Variants in CIT observed in about 807,000 individuals in gnomAD.
CIT encodes citron Rho-interacting kinase.
Under a neutral mutation model 272.7 loss-of-function variants are expected in CIT, and 79 were observed. The observed-to-expected ratio is 0.29, with a 90% CI of 0.24 to 0.35. The LOEUF (loss-of-function observed/expected upper bound fraction) is 0.35. Among genes scored for constraint, CIT ranks in the 10% least tolerant of loss-of-function variants. The pLI is 1.00. For synonymous variants in CIT, 948 were observed against 995.6 expected (o/e 0.95, Z 0.90); for missense variants, 1,909 against 2,618.3 (o/e 0.73, Z 5.91).
chr12:119,792,863 G>A (rs1436192128), intron 10 of CIT, among the ~76,000 whole-genome samples: 1 of 152,066 alleles, frequency 6.6e-6, no homozygotes, highest in Non-Finnish European at 1.5e-5. Context: ...TCGGGAGGCT[G>A]AGGCAGGAGA....
chr12:119,812,445 CT>C (rs879301480), intron 9 of CIT, among the ~76,000 whole-genome samples: 112 of 146,644 alleles, frequency 7.6e-4, no homozygotes, highest in African/African-American at 1.4e-3. Context: ...TTTTCTCCAA[CT>C]TTTTTTTTTT....
At chr12:119,760,569 G>A (rs1423289780) in intron 20 of CIT, among the ~76,000 whole-genome samples, 1 of 151,684 alleles carries the variant, frequency 6.6e-6, no homozygotes, top group Non-Finnish European at 1.5e-5. Context: ...GGAGGCTGCA[G>A]TGAGCCATGA....
Position 119,770,708 on chromosome 12 carries a change from A to T in CIT, c.2208+77T>A. ...GATACCTCCCTTATTGTGGCGGTTA[A>T]TTCTTCTTCTTACCCCCTTCCCTTT... On this transcript the variant is annotated intron_variant, in intron 18 of 47. Coordinates refer to ENST00000392521, the MANE Select transcript of CIT (RefSeq NM_001206999.2). The surrounding 1 kb of genome is among the most constrained non-coding windows in gnomAD (Gnocchi z 4.4). The T allele has an allele frequency of 3.2e-6, 5 of 1,553,254 alleles. No homozygotes were observed. Among genetic ancestry groups the T allele is most frequent in the Non-Finnish European group, 4.4e-6 (5 of 1,134,572 alleles).
Position 119,690,542 on chromosome 12 carries a change from C to T in CIT, c.5883-88G>A. ...CTTACCTGAGCAACCCCCTCCTTGA[C>T]CCAGCCTCACCACTGATTATCAAGA... is the stretch of plus-strand genomic sequence containing the variant. On this transcript the variant is annotated intron_variant, in intron 46 of 47. Transcript: ENST00000392521. The surrounding 1 kb of genome is among the most constrained non-coding windows in gnomAD (Gnocchi z 6.0). 2 of 1,216,362 alleles carry T rather than the reference C, an allele frequency of 1.6e-6. No homozygotes were observed. Among genetic ancestry groups the T allele is most frequent in the Non-Finnish European group, 2.2e-6 (2 of 897,632 alleles). The allele number at this position is 1,216,362 out of a possible 1,614,324, so 75.3% of individuals were successfully genotyped here.
intron 3 of CIT, 29 bp from the exon 4 acceptor site, chr12:119,857,727 G>A: frequency 6.4e-7 from 1 of 1,572,778 alleles, no homozygotes; most frequent in East Asian, 2.3e-5. Flanking sequence ...TTAGCCCCAG[G>A]TAAATAAAGC....
At position 119,728,805 on chromosome 12, in the gene CIT, T is replaced by C. The variant is rs2301656; in HGVS notation, c.3487-199A>G. Reference sequence around the variant, plus strand: ...GGTTATTATATGAGGATGGAAATTATTTCTAAGGGATGGCTCTTAAATATG... The same window carrying C: ...GGTTATTATATGAGGATGGAAATTACTTCTAAGGGATGGCTCTTAAATATG... On this transcript the variant is annotated intron_variant, in intron 27 of 47. Transcript: ENST00000392521. This position sits in a 1 kb window ranked among gnomAD's most constrained non-coding sequence, Gnocchi z 4.3. Among the ~76,000 whole-genome samples the C allele has an allele frequency of 7.8e-4, 119 of 152,374 alleles. 1 individual carries two copies. In the East Asian group the frequency reaches 0.02, roughly 26 times the overall value.
rs565512445 is a variant in CIT at position 119,714,286 on chromosome 12, C to A, written c.4217G>T (p.Arg1406Leu). 2.5e-6 allele frequency: 4 copies of A among 1,614,042 alleles called. No homozygotes were observed. The South Asian group carries it at 3.3e-5, about 13-fold the overall frequency. Residue 1406 changes from arginine to leucine, a missense_variant, in exon 33 of 48, where the codon CGA becomes CTA. Arg to Leu is a moderately radical substitution (Grantham distance 102). This residue lies in a region of CIT where 780 missense variants were observed against 1,067.2 expected (regional missense o/e 0.73). Coordinates refer to ENST00000392521, the MANE Select transcript of CIT (RefSeq NM_001206999.2). ...TCGCATGTTCAGTCCTACGTTGAATCGGTGAGGAATATTGTGGTGCATGCG... is the reference window on the plus strand; with the variant it reads ...TCGCATGTTCAGTCCTACGTTGAATAGGTGAGGAATATTGTGGTGCATGCG... ...KERMHHNIPH[R>L]FNVGLNMRAT...
At chr12:119,787,886 A>G (rs1593747236) in intron 10 of CIT, among the ~76,000 whole-genome samples, 1 of 152,212 alleles carries the variant, frequency 6.6e-6, no homozygotes, top group African/African-American at 2.4e-5. Flanking sequence ...GAAGGATTAA[A>G]TGAAATAATG....
chr12:119,816,048 C>A (rs962176472), intron 9 of CIT, among the ~76,000 whole-genome samples: 2 of 152,098 alleles, frequency 1.3e-5, no homozygotes, highest in Non-Finnish European at 2.9e-5. Context: ...AGTGATAGGA[C>A]CTGCCTCACA....
At chr12:119,877,092 C>G (rs1019464328) in intron 1 of CIT, among the ~76,000 whole-genome samples, 157 bp downstream of exon 1, 6 of 152,116 alleles carry the variant, frequency 3.9e-5, no homozygotes, top group Non-Finnish European at 5.9e-5. Flanking sequence ...CACAGCTAGC[C>G]CCGGAAGACC....
intron 3 of CIT, among the ~76,000 whole-genome samples, chr12:119,862,035 CTG>C (rs1950354522): frequency 6.6e-6 from 1 of 152,178 alleles, no homozygotes; most frequent in Admixed American, 6.5e-5. Flanking sequence ...GAGTCTCACT[CTG>C]TCACCCTGGC....
Position 119,710,202 on chromosome 12 carries a change from T to C in CIT, c.5071+49A>G. On this transcript the variant is annotated intron_variant, in intron 39 of 47. Transcript: ENST00000392521. The surrounding 1 kb of genome is among the most constrained non-coding windows in gnomAD (Gnocchi z 5.6). ...GAGCATGAAACGTGGCTTCAACATA[T>C]TGGCTCCCTTGAAAGTAAAGAAAAA... The C allele has an allele frequency of 6.3e-7, 1 of 1,594,158 alleles. No homozygotes were observed. Among genetic ancestry groups the C allele is most frequent in the South Asian group, 1.1e-5 (1 of 88,286 alleles).
chr12:119,847,421 C>T (rs1424927976), intron 5 of CIT, among the ~76,000 whole-genome samples: 1 of 151,746 alleles, frequency 6.6e-6, no homozygotes, highest in East Asian at 1.9e-4. Context: ...TGGCAAAACC[C>T]CGTCTCTACT....
chr12:119,792,011 T>C lies in CIT; in HGVS notation c.1296-6946A>G, dbSNP rs533519139. On this transcript the variant is annotated intron_variant, in intron 10 of 47. Transcript: ENST00000392521. ...CCGTGATGTACCTGTAAATAATCCA[T>C]ATAACTTTGTTAAAAAAAATTACTT... is the stretch of plus-strand genomic sequence containing the variant. Among the ~76,000 whole-genome samples the C allele has an allele frequency of 4.6e-4, 70 of 152,328 alleles. 1 individual carries two copies. In the South Asian group the frequency reaches 0.013, roughly 29 times the overall value.
At chr12:119,823,970 G>A (rs1458098408) in intron 8 of CIT, among the ~76,000 whole-genome samples, 2 of 141,208 alleles carry the variant, frequency 1.4e-5, no homozygotes, top group African/African-American at 5.2e-5. Context: ...AACCCAGGAG[G>A]CAGGGTTGCA....
chr12:119,767,312 G>T, intron 18 of CIT, 130 bp from the exon 19 acceptor site: 1 of 647,420 alleles, frequency 1.5e-6, no homozygotes, highest in Non-Finnish European at 2.6e-6. Flanking sequence ...TCCATTACTA[G>T]CCTAAGGCTC....
intron 23 of CIT, among the ~76,000 whole-genome samples, chr12:119,747,934 C>G (rs766367829): frequency 6.6e-6 from 1 of 152,084 alleles, no homozygotes; most frequent in Non-Finnish European, 1.5e-5. Flanking sequence ...GAGACCAAGG[C>G]AGGCGAATTG....
At chr12:119,751,004 T>A (rs1222325926) in intron 23 of CIT, among the ~76,000 whole-genome samples, 1 of 151,926 alleles carries the variant, frequency 6.6e-6, no homozygotes, top group Non-Finnish European at 1.5e-5. Context: ...CAATCAGCTG[T>A]ATTGTGACTG....
At chr12:119,819,302 G>A (rs1342154973) in intron 9 of CIT, among the ~76,000 whole-genome samples, 3 of 152,128 alleles carry the variant, frequency 2.0e-5, no homozygotes, top group Non-Finnish European at 4.4e-5. Context: ...CTGGAACTGG[G>A]TCAGATGCCT....
Sources: gnomAD v4.1 joint callset for allele counts (sites outside exome capture counted in the v4.1 genomes callset) on GRCh38, gnomAD v4.1.1 for gene constraint, gnomAD v4.1.1 regional missense constraint, Gnocchi (gnomAD v3.1) non-coding constraint, MANE v1.5 for transcripts, NCBI Gene and HGNC (gene_info 2026-07-23, HGNC 2026-07-21) for gene names.